Variants in U2AF2 observed in about 807,000 individuals in gnomAD.
U2AF2 encodes splicing factor U2AF 65 kDa subunit.
In U2AF2, 6 loss-of-function variants were observed where a neutral mutation model predicts 52.6. That is an observed-to-expected ratio of 0.11 (90% CI 0.06 to 0.23). The LOEUF (loss-of-function observed/expected upper bound fraction) is 0.23. Ranked by LOEUF, U2AF2 falls within the 10% of genes least tolerant of loss-of-function variation. U2AF2 has a pLI of 1.00. For missense variants in U2AF2, 222 were observed against 677.1 expected, an observed-to-expected ratio of 0.33 and a Z score of 7.46; for synonymous variants, 284 against 258.2, an observed-to-expected ratio of 1.10 and a Z score of -0.96.
intron 1 of U2AF2, among the ~76,000 whole-genome samples, chr19:55,657,906 C>T (rs996670646): frequency 2.0e-5 from 3 of 152,104 alleles, no homozygotes; most frequent in African/African-American, 4.8e-5. Flanking sequence ...AGTGTTTTTC[C>T]GAAGCAGTAG....
At chr19:55,657,334 TCTGC>T (rs574020336) in intron 1 of U2AF2, among the ~76,000 whole-genome samples, 44 of 152,336 alleles carry the variant, frequency 2.9e-4, no homozygotes, top group Non-Finnish European at 5.9e-4. Context: ...TAGGGGAAGC[TCTGC>T]CCGCGTGTCA....
rs201129075 is a variant in U2AF2 at position 55,662,489 on chromosome 19, A to G, written c.487-13A>G. ...TCCCCCGCCCCCCCCCTTGTCTCCT[A>G]TTCCCTCTGCAGGAGGCCATGATGG... On this transcript the variant is annotated splice_polypyrimidine_tract_variant and intron_variant, in intron 5 of 11. Transcript: ENST00000308924. The G allele has an allele frequency of 7.8e-5, 100 of 1,286,336 alleles. No homozygotes were observed. Among genetic ancestry groups the G allele is most frequent in the African/African-American group, 1.1e-4 (6 of 52,584 alleles). 79.7% of individuals were successfully genotyped at this position (1,286,336 alleles called of 1,614,324 possible). A position where few individuals can be genotyped will look rare whatever the true frequency, so the allele number is the denominator to read the frequency against.
chr19:55,668,833 C>A lies in U2AF2; in HGVS notation c.945+41C>A. 2 of 1,591,216 alleles carry A rather than the reference C, an allele frequency of 1.3e-6. No homozygotes were observed. The highest frequency in any genetic ancestry group is 1.7e-6 in the Non-Finnish European group (2 of 1,165,716). On this transcript the variant is annotated intron_variant, in intron 9 of 11. Transcript: ENST00000308924. This position sits in a 1 kb window ranked among gnomAD's most constrained non-coding sequence, Gnocchi z 5.5. ...CTGGCCGCTGCCGCGTCTGTCCTTC[C>A]CTGCCCTGCGCTGTTGCCAAGCCAT...
chr19:55,661,236 C>G (rs766319213), intron 5 of U2AF2, 47 bp downstream of exon 5: 1 of 1,473,886 alleles, frequency 6.8e-7, no homozygotes, highest in African/African-American at 1.4e-5. Flanking sequence ...CCCTCTACCC[C>G]GTTCCTCCCC....
At position 55,660,496 on chromosome 19, in the gene U2AF2, T is replaced by TAC; in HGVS notation, c.231-20_231-19insAC. 1 of 894,552 alleles carries TAC rather than the reference T, an allele frequency of 1.1e-6. No homozygotes were observed. The highest frequency in any genetic ancestry group is 2.2e-5 in the Admixed American group (1 of 45,838). The allele number at this position is 894,552 out of a possible 1,614,324, so 55.4% of individuals were successfully genotyped here. On this transcript the variant is annotated intron_variant, in intron 3 of 11. Coordinates refer to ENST00000308924, the MANE Select transcript of U2AF2 (RefSeq NM_007279.3). ...AGACTGAGGTTGCCCTGCCCCGCTC[T>TAC]CCCCTCCCACCTCCCCCAGTCGTTC...
In U2AF2 at chr19:55,660,508, T is replaced by G. The variant is rs767542689; in HGVS notation, c.231-8T>G. The stretch of plus-strand genomic sequence containing the variant: ...CCCTGCCCCGCTCTCCCCTCCCACC[T>G]CCCCCAGTCGTTCCCCCCGCCACGA... On this transcript the variant is annotated splice_polypyrimidine_tract_variant and splice_region_variant and intron_variant, in intron 3 of 11. Coordinates refer to ENST00000308924, the MANE Select transcript of U2AF2 (RefSeq NM_007279.3). 285 of 398,712 alleles carry G rather than the reference T, an allele frequency of 7.1e-4. No individual in the cohort carries two copies. The highest frequency in any genetic ancestry group is 1.1e-3 in the Non-Finnish European group (264 of 241,598). 24.7% of individuals were successfully genotyped at this position (398,712 alleles called of 1,614,324 possible). A position where few individuals can be genotyped will look rare whatever the true frequency, so the allele number is the denominator to read the frequency against.
intron 1 of U2AF2, among the ~76,000 whole-genome samples, chr19:55,658,349 T>C (rs1983933154): frequency 7.1e-6 from 1 of 141,294 alleles, no homozygotes; most frequent in African/African-American, 2.6e-5. Flanking sequence ...CGGTCTCTCT[T>C]CAGGGGTTGA....
At chr19:55,670,721 G>A (rs57063593) in intron 11 of U2AF2, 195,340 of 200,002 alleles carry the variant, frequency 0.98, 95,427 homozygotes, top group East Asian at 1. Flanking sequence ...CCTGGGTCTT[G>A]GAACGACCGC....
intron 11 of U2AF2, among the ~76,000 whole-genome samples, chr19:55,672,925 G>A (rs1233756663): frequency 5.9e-5 from 9 of 151,586 alleles, no homozygotes; most frequent in Non-Finnish European, 1.3e-4. Context: ...TTACAGGCGT[G>A]AGCCACCGCG....
chr19:55,657,312 G>A (rs1229736492), intron 1 of U2AF2, among the ~76,000 whole-genome samples: 1 of 152,218 alleles, frequency 6.6e-6, no homozygotes, highest in Non-Finnish European at 1.5e-5. Context: ...GTGTGGGAGA[G>A]GGTTCTTGCC....
In U2AF2 at chr19:55,659,258, G is replaced by C; in HGVS notation, c.98G>C (p.Arg33Pro). The C allele has an allele frequency of 6.2e-7, 1 of 1,603,358 alleles. No individual in the cohort carries two copies. Among genetic ancestry groups the C allele is most frequent in the Non-Finnish European group, 8.5e-7 (1 of 1,174,266 alleles). ...CGGAAGCGCAGCCACAGCCGCTCTC[G>C]GAGCCGGGACCGCAAACGCCGGAGC... is the stretch of plus-strand genomic sequence containing the variant. ...RHRKRSHSRSRSRDRKRRSRS... is the reference protein window; with the variant it reads ...RHRKRSHSRSPSRDRKRRSRS... The change falls in exon 2 of 12, where the codon CGG becomes CCG. Residue 33 changes from arginine (R) to proline (P), a missense_variant. Physicochemically the swap from Arg to Pro is moderately radical, Grantham distance 103. Around this residue, in one of 4 missense-constraint regions of U2AF2, gnomAD observed 100 missense variants for 144.1 expected, o/e 0.69. Transcript: ENST00000308924.
At position 55,665,348 on chromosome 19, in the gene U2AF2, G is replaced by T. The variant is rs55842824; in HGVS notation, c.742+1604G>T. 3.6e-5 allele frequency among the ~76,000 whole-genome samples: 5 copies of T among 140,420 alleles called. No individual in the cohort carries two copies. In the South Asian group the frequency reaches 1.2e-3, roughly 34 times the overall value. The allele number at this position is 140,420 out of a possible 152,430, so 92.1% of individuals were successfully genotyped here. On this transcript the variant is annotated intron_variant, in intron 7 of 11. Transcript: ENST00000308924. ...GCAGTTCTACGACACAGGGATTGGC[G>T]CTGTCCTAAGTGCCCTCCATGCACG...
chr19:55,669,783 C>G (rs550878133), intron 11 of U2AF2, 91 bp downstream of exon 11: 118 of 1,454,262 alleles, frequency 8.1e-5, no homozygotes, highest in Non-Finnish European at 8.8e-5. Flanking sequence ...CTCACCCTCT[C>G]CCCCTCCTCT....
At position 55,674,074 on chromosome 19, in the gene U2AF2, G is replaced by A. The variant is rs748598866; in HGVS notation, c.*6G>A. 7.5e-6 allele frequency: 12 copies of A among 1,600,954 alleles called. No homozygotes were observed. The Admixed American group carries it at 2.0e-4, about 27-fold the overall frequency. On this transcript the variant is annotated 3_prime_UTR_variant, in exon 12 of 12. Coordinates refer to ENST00000308924, the MANE Select transcript of U2AF2 (RefSeq NM_007279.3). ...ACCGCCGGGACTTCTGGTAGAGGCGGCTGGGGGAGGGTGGGGGCAGGGCTG... is the reference window on the plus strand; with the variant it reads ...ACCGCCGGGACTTCTGGTAGAGGCGACTGGGGGAGGGTGGGGGCAGGGCTG...
chr19:55,665,251 C>T (rs1984473938), intron 7 of U2AF2, among the ~76,000 whole-genome samples: 1 of 152,196 alleles, frequency 6.6e-6, no homozygotes, highest in Non-Finnish European at 1.5e-5. Flanking sequence ...CAGGCGCTGT[C>T]CTAAGTGCCC....
At chr19:55,660,675 C>T in intron 4 of U2AF2, 56 bp downstream of exon 4, 1 of 1,503,368 alleles carries the variant, frequency 6.7e-7, no homozygotes, top group Admixed American at 1.8e-5. Context: ...TTGGGATTCT[C>T]CGTCAGTCAT....
At chr19:55,672,230 T>TA (rs1396392494) in intron 11 of U2AF2, among the ~76,000 whole-genome samples, 1 of 152,202 alleles carries the variant, frequency 6.6e-6, no homozygotes, top group African/African-American at 2.4e-5. Flanking sequence ...ATGATAGTGA[T>TA]ACGTTTTTAT....
chr19:55,666,287 A>G (rs778539798), intron 7 of U2AF2, among the ~76,000 whole-genome samples: 6 of 152,190 alleles, frequency 3.9e-5, no homozygotes, highest in Non-Finnish European at 8.8e-5. Flanking sequence ...GGTCTTCCCC[A>G]CACAGCCTCT....
intron 10 of U2AF2, 26 bp from the exon 11 acceptor site, chr19:55,669,418 C>T (rs374672702): frequency 3.1e-5 from 49 of 1,571,176 alleles, no homozygotes; most frequent in South Asian, 7.1e-5. Context: ...CCCCCTGTGA[C>T]GCCGCTGCCT....
Sources: allele counts gnomAD v4.1 joint callset (sites outside exome capture counted in the v4.1 genomes callset), GRCh38; gene constraint gnomAD v4.1.1; regional missense constraint gnomAD v4.1.1; non-coding constraint Gnocchi (gnomAD v3.1); transcripts MANE v1.5; gene names NCBI Gene and HGNC (gene_info 2026-07-23, HGNC 2026-07-21).